Variants in ADGRE3 observed in about 807,000 individuals in gnomAD.
ADGRE3 encodes EGF-like module receptor 3.
ADGRE3 carries 88 observed loss-of-function variants against 80.1 expected under a neutral mutation model. That is an observed-to-expected ratio of 1.10 (90% CI 0.93 to 1.31). The LOEUF (loss-of-function observed/expected upper bound fraction) is 1.31, where lower values mean the gene tolerates loss of function less well. Among genes scored for constraint, ADGRE3 ranks in the 40% most tolerant of loss-of-function variants. ADGRE3 has a pLI of 0.00. For synonymous variants in ADGRE3, 281 were observed against 294.8 expected, an observed-to-expected ratio of 0.95 and a Z score of 0.48; for missense variants, 715 against 776.5, an observed-to-expected ratio of 0.92 and a Z score of 0.94.
At chr19:14,629,552 T>A (rs1357385774) in intron 14 of ADGRE3, among the ~76,000 whole-genome samples, 1 of 152,072 alleles carries the variant, frequency 6.6e-6, no homozygotes, top group Non-Finnish European at 1.5e-5. Context: ...TTCAGCATTG[T>A]TAGGAGAAGA....
At chr19:14,608,628 A>ATTTTTTTTTTTTTTTTTTTTTTTTTTT in the ADGRE3 span, among the ~76,000 whole-genome samples, 1 of 119,748 alleles carries the variant, frequency 8.4e-6, no homozygotes, top group Non-Finnish European at 1.7e-5. Context: ...ATGAGGAAGA[A>ATTTTTTTTTTTTTTTTTTTTTTTTTTT]TTTTTTTTTT....
the ADGRE3 span, among the ~76,000 whole-genome samples, chr19:14,607,294 T>C: frequency 6.6e-6 from 1 of 151,420 alleles, no homozygotes; most frequent in Non-Finnish European, 1.5e-5. Flanking sequence ...AAGCTCCGCC[T>C]CCCAGGTTCA....
At chr19:14,652,062 A>G (rs753845177) in intron 6 of ADGRE3, among the ~76,000 whole-genome samples, 7 of 152,118 alleles carry the variant, frequency 4.6e-5, no homozygotes, top group Non-Finnish European at 1.0e-4. Context: ...AAGTAAGTAA[A>G]TAAATAAATA....
chr19:14,659,694 G>C (rs903385394), intron 4 of ADGRE3, among the ~76,000 whole-genome samples: 2 of 151,524 alleles, frequency 1.3e-5, no homozygotes, highest in East Asian at 3.9e-4. Context: ...GTTGGCGGGT[G>C]CCTGTAATCC....
intron 14 of ADGRE3, among the ~76,000 whole-genome samples, chr19:14,627,145 G>A (rs547201577): frequency 2.2e-4 from 33 of 152,066 alleles, no homozygotes; most frequent in Middle Eastern, 3.4e-3. Flanking sequence ...GATATTTAGC[G>A]GTATCCCTGA....
chr19:14,643,774 G>C (rs1374840363), intron 9 of ADGRE3, among the ~76,000 whole-genome samples: 1 of 150,796 alleles, frequency 6.6e-6, no homozygotes, highest in Non-Finnish European at 1.5e-5. Flanking sequence ...GCAATGGCTT[G>C]CTCTCAGCTC....
downstream of ADGRE3, among the ~76,000 whole-genome samples, chr19:14,617,377 C>CTTTCTTTTTCTTTCTTTCTTTCTTTCTTT (rs1491527496): frequency 8.6e-4 from 74 of 86,364 alleles, 2 homozygotes; most frequent in Middle Eastern, 5.1e-3. Context: ...TTTCTTTCTT[C>CTTTCTTTTTCTTTCTTTCTTTCTTTCTTT]CTTTCTTTCT....
downstream of ADGRE3, among the ~76,000 whole-genome samples, chr19:14,615,538 A>C (rs1019970348): frequency 2.0e-5 from 3 of 151,844 alleles, no homozygotes; most frequent in Non-Finnish European, 4.4e-5. Context: ...AGGCAGGTGG[A>C]TCGCTTGAGG....
chr19:14,657,401 G>C (rs888798972), intron 5 of ADGRE3, among the ~76,000 whole-genome samples: 1 of 152,032 alleles, frequency 6.6e-6, no homozygotes, highest in African/African-American at 2.4e-5. Flanking sequence ...AGTGCAGCAG[G>C]CCTTAATATA....
At chr19:14,619,778 T>G (rs1970483399) in intron 15 of ADGRE3, among the ~76,000 whole-genome samples, 1 of 152,218 alleles carries the variant, frequency 6.6e-6, no homozygotes, top group Non-Finnish European at 1.5e-5. Flanking sequence ...AGAGTCTTGT[T>G]GGCTTTGTTT....
At chr19:14,607,792 T>G in the ADGRE3 span, among the ~76,000 whole-genome samples, 1 of 151,492 alleles carries the variant, frequency 6.6e-6, no homozygotes, top group Admixed American at 6.6e-5. Context: ...GCCAGGCTGG[T>G]CTTGAACTCC....
chr19:14,620,560 ATATATATATTTTTTTT>A (rs1970564639), intron 15 of ADGRE3, among the ~76,000 whole-genome samples: 1 of 23,694 alleles, frequency 4.2e-5, no homozygotes, highest in Non-Finnish European at 7.5e-5. Flanking sequence ...ATATATATAT[ATATATATATTTTTTTT>A]TTTTTTTTTT....
rs570235475 is a variant in ADGRE3, at chr19:14,652,424, T to C, written c.578-1220A>G. Among the ~76,000 whole-genome samples the C allele has an allele frequency of 2.6e-4, 39 of 152,022 alleles. No homozygotes were observed. The South Asian group carries it at 7.7e-3, about 30-fold the overall frequency. On this transcript the variant is annotated intron_variant, in intron 6 of 15. Transcript: ENST00000253673. ...AGGGATTTTATTCTCCTATTTCCTT[T>C]TGTGCATATTAAAAGGTTAAAAAAA... is the stretch of plus-strand genomic sequence containing the variant.
At chr19:14,615,641 A>G (rs1183390606), downstream of ADGRE3, among the ~76,000 whole-genome samples, 1 of 151,358 alleles carries the variant, frequency 6.6e-6, no homozygotes, top group Non-Finnish European at 1.5e-5. Flanking sequence ...GCGTGCCTGT[A>G]ATCCCAGCTA....
intron 7 of ADGRE3, among the ~76,000 whole-genome samples, chr19:14,649,568 C>A (rs1274202002): frequency 6.6e-6 from 1 of 150,404 alleles, no homozygotes; most frequent in Non-Finnish European, 1.5e-5. Context: ...CTTTCCATCT[C>A]TCTCCATCTC....
chr19:14,650,750 C>T (rs1168533336), intron 7 of ADGRE3, among the ~76,000 whole-genome samples: 1 of 151,354 alleles, frequency 6.6e-6, no homozygotes, highest in Admixed American at 6.6e-5. Context: ...CTGGAGAACA[C>T]TGATGAATAC....
the ADGRE3 span, among the ~76,000 whole-genome samples, chr19:14,608,800 ATT>A: frequency 9.9e-5 from 13 of 131,324 alleles, no homozygotes; most frequent in Non-Finnish European, 8.1e-5. Context: ...TGCCTGGCTA[ATT>A]TTTTTTTTTT....
At chr19:14,635,423 T>A (rs944786903) in intron 11 of ADGRE3, among the ~76,000 whole-genome samples, 6 of 151,004 alleles carry the variant, frequency 4.0e-5, no homozygotes, top group African/African-American at 1.5e-4. Context: ...TTTTTTTTTT[T>A]TTTGAGACAG....
At chr19:14,603,279 G>T in the ADGRE3 span, among the ~76,000 whole-genome samples, 7 of 152,044 alleles carry the variant, frequency 4.6e-5, no homozygotes, top group Admixed American at 4.6e-4. Flanking sequence ...GCACACATCG[G>T]GTCTTTGCTG....
Sources: allele counts gnomAD v4.1 joint callset (sites outside exome capture counted in the v4.1 genomes callset), GRCh38; gene constraint gnomAD v4.1.1; transcripts MANE v1.5; gene names NCBI Gene and HGNC (gene_info 2026-07-23, HGNC 2026-07-21).